Variants in ABLIM2 observed in about 807,000 individuals in gnomAD.
ABLIM2 encodes the protein actin-binding LIM protein 2.
Under a neutral mutation model 97.7 loss-of-function variants are expected in ABLIM2, and 53 were observed. That is an observed-to-expected ratio of 0.54 (90% CI 0.44 to 0.68). The LOEUF (loss-of-function observed/expected upper bound fraction) is 0.68. Among genes scored for constraint, ABLIM2 ranks in the 30% least tolerant of loss-of-function variants. The pLI is 0.00. For synonymous variants in ABLIM2, 361 were observed against 345.8 expected (o/e 1.04, Z -0.49); for missense variants, 835 against 867.2 (o/e 0.96, Z 0.47).
At position 8,088,487 on chromosome 4, in the gene ABLIM2, A is replaced by G. The variant is rs184166840; in HGVS notation, c.339-203T>C. On this transcript the variant is annotated intron_variant, in intron 3 of 20. Transcript: ENST00000447017. Reference sequence around the variant, plus strand: ...GACCTCAGGTAGTCATCGACACCTGAGCCTCAGTTTCCTCATCTGTACCAA... The same window carrying G: ...GACCTCAGGTAGTCATCGACACCTGGGCCTCAGTTTCCTCATCTGTACCAA... 2.2e-3 allele frequency among the ~76,000 whole-genome samples: 331 copies of G among 152,256 alleles called. 2 individuals are homozygous for G. Among genetic ancestry groups the G allele is most frequent in the Non-Finnish European group, 6.8e-4 (46 of 68,006 alleles).
rs1226215729 is a variant in ABLIM2, at chr4:8,072,226, C to T, written c.675+5402G>A. Among the ~76,000 whole-genome samples, 1 of 152,230 alleles carries T rather than the reference C, an allele frequency of 6.6e-6. No homozygotes were observed. Among genetic ancestry groups the T allele is most frequent in the Non-Finnish European group, 1.5e-5 (1 of 68,048 alleles). On this transcript the variant is annotated intron_variant, in intron 6 of 20. Transcript: ENST00000447017. The surrounding 1 kb of genome is among the most constrained non-coding windows in gnomAD (Gnocchi z 5.8). ...ATTAGGATGGTTCCTTCCCGATGAACCAGGGCGCACCCCAAATTCTGTATT... is the reference window on the plus strand; with the variant it reads ...ATTAGGATGGTTCCTTCCCGATGAATCAGGGCGCACCCCAAATTCTGTATT...
rs1790453040 is a variant in ABLIM2, at chr4:8,043,975, T to A, written c.900+1189A>T. On this transcript the variant is annotated intron_variant, in intron 9 of 20. Coordinates refer to ENST00000447017, the MANE Select transcript of ABLIM2 (RefSeq NM_001130083.2). The surrounding 1 kb of genome is among the most constrained non-coding windows in gnomAD (Gnocchi z 4.8). ...GCCCGCCTAAGCTTCAGAGTGCACA[T>A]CCCAAGCGCCACAGTGCCACTCACT... Among the ~76,000 whole-genome samples, 1 of 152,018 alleles carries A rather than the reference T, an allele frequency of 6.6e-6. No homozygotes were observed. Among genetic ancestry groups the A allele is most frequent in the Non-Finnish European group, 1.5e-5 (1 of 68,002 alleles).
At chr4:8,018,257 A>T (rs1770955932) in intron 14 of ABLIM2, among the ~76,000 whole-genome samples, 1 of 152,236 alleles carries the variant, frequency 6.6e-6, no homozygotes, top group South Asian at 2.1e-4. Context: ...AAGGTAGTCA[A>T]TCCCAATCTT....
chr4:7,989,997 T>A (rs540814833), intron 17 of ABLIM2, among the ~76,000 whole-genome samples: 1 of 152,326 alleles, frequency 6.6e-6, no homozygotes, highest in Non-Finnish European at 1.5e-5. Context: ...GACGTTTTAA[T>A]GACCTTTAGG....
chr4:8,103,571 C>A (rs1835719047), intron 2 of ABLIM2, among the ~76,000 whole-genome samples: 1 of 152,236 alleles, frequency 6.6e-6, no homozygotes, highest in South Asian at 2.1e-4. Context: ...TGCCCTCAGA[C>A]CCCTGCTACT....
chr4:8,109,652 C>T (rs1000031169), intron 1 of ABLIM2, among the ~76,000 whole-genome samples: 7 of 152,164 alleles, frequency 4.6e-5, no homozygotes, highest in Non-Finnish European at 1.0e-4. Context: ...ATGCTGGGGC[C>T]GCAGGTCTTT....
intron 2 of ABLIM2, among the ~76,000 whole-genome samples, chr4:8,099,602 T>C (rs543669179): frequency 1.3e-5 from 2 of 151,944 alleles, no homozygotes; most frequent in Non-Finnish European, 2.9e-5. Flanking sequence ...TCCCAACACT[T>C]TGGGAGGCTG....
Position 8,112,093 on chromosome 4 carries a change from G to A in ABLIM2, c.11-5456C>T, listed in dbSNP as rs188326413. Among the ~76,000 whole-genome samples the A allele has an allele frequency of 4.8e-3, 738 of 152,346 alleles. 23 individuals are homozygous for A. The highest frequency in any genetic ancestry group is 0.044 in the Admixed American group (669 of 15,296). On this transcript the variant is annotated intron_variant, in intron 1 of 20. Coordinates refer to ENST00000447017, the MANE Select transcript of ABLIM2 (RefSeq NM_001130083.2). This position sits in a 1 kb window ranked among gnomAD's most constrained non-coding sequence, Gnocchi z 4.2. ...GCTAAGAATCTATCACACAGGGGCTGAGAGTATTTAATCCCTCATGATAAT... is the reference window on the plus strand; with the variant it reads ...GCTAAGAATCTATCACACAGGGGCTAAGAGTATTTAATCCCTCATGATAAT...
chr4:8,036,017 C>G, intron 10 of ABLIM2, 132 bp downstream of exon 10: 4 of 1,141,452 alleles, frequency 3.5e-6, no homozygotes, highest in Non-Finnish European at 4.9e-6. Flanking sequence ...CGTGAAGAGG[C>G]TGAGCGTGTG....
In ABLIM2 at chr4:8,001,650, G is replaced by T. The variant is rs547755610; in HGVS notation, c.1618+6409C>A. On this transcript the variant is annotated intron_variant, in intron 16 of 20. Coordinates refer to ENST00000447017, the MANE Select transcript of ABLIM2 (RefSeq NM_001130083.2). This position sits in a 1 kb window ranked among gnomAD's most constrained non-coding sequence, Gnocchi z 4.2. ...AAGGTCATCACTGTGGCCCCAGCTG[G>T]CCACTCCTCCCTAACAGCCTCTGTA... Among the ~76,000 whole-genome samples the T allele has an allele frequency of 3.3e-5, 5 of 152,194 alleles. No individual in the cohort carries two copies. The South Asian group carries it at 1.0e-3, about 32-fold the overall frequency.
chr4:8,133,222 C>T lies in ABLIM2; in HGVS notation c.10+25458G>A, dbSNP rs1355377285. The stretch of plus-strand genomic sequence containing the variant: ...CAAATCCAGCATGACCTCATCTGGA[C>T]GAGTTCCATCCCGCAATGACCCTAC... On this transcript the variant is annotated intron_variant, in intron 1 of 20. Transcript: ENST00000447017. Among the ~76,000 whole-genome samples the T allele has an allele frequency of 2.6e-5, 4 of 152,216 alleles. No homozygotes were observed. The South Asian group carries it at 6.2e-4, about 24-fold the overall frequency.
At chr4:8,158,466 C>T (rs964474260) in intron 1 of ABLIM2, among the ~76,000 whole-genome samples, 2 of 152,176 alleles carry the variant, frequency 1.3e-5, no homozygotes, top group Admixed American at 1.3e-4. Context: ...GGGAAAGGAT[C>T]CCCGGCCCGC....
Position 8,058,283 on chromosome 4 carries a change from G to C in ABLIM2, c.763+2684C>G, listed in dbSNP as rs75623844. Reference sequence around the variant, plus strand: ...ACGGTCCCAAAGGACCCTTTGACGGGCTCTCGAGCAGAGACTCAAGGAACA... The same window carrying C: ...ACGGTCCCAAAGGACCCTTTGACGGCCTCTCGAGCAGAGACTCAAGGAACA... On this transcript the variant is annotated intron_variant, in intron 7 of 20. Transcript: ENST00000447017. The surrounding 1 kb of genome is among the most constrained non-coding windows in gnomAD (Gnocchi z 4.2). 1.7e-3 allele frequency among the ~76,000 whole-genome samples: 254 copies of C among 152,366 alleles called. 1 individual carries two copies. The highest frequency in any genetic ancestry group is 5.9e-3 in the African/African-American group (247 of 41,598).
In ABLIM2 at chr4:8,019,467, G is replaced by C; in HGVS notation, c.1423+151C>G. On this transcript the variant is annotated intron_variant, in intron 14 of 20. Transcript: ENST00000447017. The surrounding 1 kb of genome is among the most constrained non-coding windows in gnomAD (Gnocchi z 4.3). ...GAACAGGACTCTCGGGAGGCTGCTA[G>C]TGAATTTGCATTTAATAGTCAGACT... 1 of 652,348 alleles carries C rather than the reference G, an allele frequency of 1.5e-6. No homozygotes were observed. Among genetic ancestry groups the C allele is most frequent in the South Asian group, 2.2e-5 (1 of 45,894 alleles). 40.4% of individuals were successfully genotyped at this position (652,348 alleles called of 1,614,324 possible). A position where few individuals can be genotyped will look rare whatever the true frequency, so the allele number is the denominator to read the frequency against.
At chr4:8,038,397 CT>C (rs961026697) in intron 9 of ABLIM2, among the ~76,000 whole-genome samples, 1 of 152,204 alleles carries the variant, frequency 6.6e-6, no homozygotes, top group Non-Finnish European at 1.5e-5. Context: ...GTGGTCTCAG[CT>C]CAAACCCTCT....
chr4:8,064,404 T>C (rs1272516301), intron 6 of ABLIM2, among the ~76,000 whole-genome samples: 2 of 152,104 alleles, frequency 1.3e-5, no homozygotes, highest in Admixed American at 1.3e-4. Context: ...ACAGGACGGG[T>C]GGCTCTGAAG....
chr4:7,976,067 T>C (rs1365039024), intron 20 of ABLIM2, among the ~76,000 whole-genome samples: 1 of 152,168 alleles, frequency 6.6e-6, no homozygotes, highest in South Asian at 2.1e-4. Flanking sequence ...TAGGCCCTAC[T>C]CTTCTGGGAG....
intron 14 of ABLIM2, among the ~76,000 whole-genome samples, chr4:8,018,314 A>C (rs983408087): frequency 2.6e-5 from 4 of 152,236 alleles, no homozygotes; most frequent in Non-Finnish European, 2.9e-5. Context: ...CAGGCTGTTC[A>C]GGCTGGGTGC....
chr4:8,091,978 T>C (rs1296308587), intron 3 of ABLIM2, among the ~76,000 whole-genome samples: 1 of 136,476 alleles, frequency 7.3e-6, no homozygotes, highest in Non-Finnish European at 1.5e-5. Flanking sequence ...TATTTTTATA[T>C]ATATTATAAT....
Sources: allele counts gnomAD v4.1 joint callset (sites outside exome capture counted in the v4.1 genomes callset), GRCh38; gene constraint gnomAD v4.1.1; non-coding constraint Gnocchi (gnomAD v3.1); transcripts MANE v1.5; gene names NCBI Gene and HGNC (gene_info 2026-07-23, HGNC 2026-07-21).